Variants in HDAC8 observed in about 807,000 individuals in gnomAD.
HDAC8 encodes the protein histone deacetylase-like 1.
A neutral mutation model predicts 32.2 loss-of-function variants in HDAC8; 1 was observed. That is an observed-to-expected ratio of 0.03 (90% CI 0.01 to 0.15). The LOEUF (loss-of-function observed/expected upper bound fraction) is 0.15. HDAC8 is among the 10% of genes least tolerant of loss of function. HDAC8 has a pLI of 1.00. For missense variants in HDAC8, 117 were observed against 300.0 expected, an observed-to-expected ratio of 0.39 and a Z score of 4.51; for synonymous variants, 108 against 113.9, an observed-to-expected ratio of 0.95 and a Z score of 0.33.
At chrX:72,441,504 C>A (rs2047144968) in intron 9 of HDAC8, among the ~76,000 whole-genome samples, 1 of 112,012 alleles carries the variant, frequency 8.9e-6, no homozygotes, top group African/African-American at 3.2e-5. Flanking sequence ...AACTAACAAA[C>A]AGAAAGGACA....
chrX:72,572,154 T>G lies in HDAC8; in HGVS notation c.112-45A>C. The G allele has an allele frequency of 3.6e-6, 4 of 1,104,959 alleles. No homozygotes were observed. In the South Asian group the frequency reaches 8.4e-5, roughly 23 times the overall value. The allele number at this position is 1,104,959 out of a possible 1,213,427, so 91.1% of individuals were successfully genotyped here. On this transcript the variant is annotated intron_variant, in intron 1 of 10. Coordinates refer to ENST00000373573, the MANE Select transcript of HDAC8 (RefSeq NM_018486.3). ...AAAAAAAAAAGAAAAGCAGAAATAG[T>G]CTCTTTAAAGTTTAATTCAGCAAAA...
chrX:72,513,248 G>C (rs1361983803), intron 4 of HDAC8, among the ~76,000 whole-genome samples: 2 of 112,117 alleles, frequency 1.8e-5, no homozygotes, highest in Non-Finnish European at 3.8e-5. Flanking sequence ...TACTCTTGGA[G>C]AGCAAAGACT....
intron 9 of HDAC8, among the ~76,000 whole-genome samples, chrX:72,380,969 T>C (rs1294580409): frequency 8.9e-6 from 1 of 111,925 alleles, no homozygotes; most frequent in African/African-American, 3.2e-5. Flanking sequence ...ACTAGCCACA[T>C]TTCAAATGCT....
chrX:72,426,739 T>A (rs1471559143), intron 9 of HDAC8, among the ~76,000 whole-genome samples: 1 of 110,506 alleles, frequency 9.0e-6, no homozygotes. Flanking sequence ...GTTTTATGCA[T>A]CCCATCTACT....
At chrX:72,403,578 G>A (rs1261470964) in intron 9 of HDAC8, among the ~76,000 whole-genome samples, 1 of 112,685 alleles carries the variant, frequency 8.9e-6, no homozygotes, top group African/African-American at 3.2e-5. Flanking sequence ...TGTAATCCCA[G>A]CATTTTGGGA....
intron 10 of HDAC8, among the ~76,000 whole-genome samples, chrX:72,338,154 G>A (rs370948568): frequency 4.9e-4 from 55 of 111,537 alleles, no homozygotes; most frequent in African/African-American, 1.7e-3. Context: ...TTATTTGCTC[G>A]CTGTTGGCTT....
intron 7 of HDAC8, among the ~76,000 whole-genome samples, chrX:72,465,595 A>G (rs928167809): frequency 1.3e-4 from 14 of 111,850 alleles, no homozygotes; most frequent in African/African-American, 4.2e-4. Context: ...TACTTTCCAG[A>G]CAGAATATAT....
At chrX:72,390,015 T>C (rs2045570251) in intron 9 of HDAC8, among the ~76,000 whole-genome samples, 2 of 111,832 alleles carry the variant, frequency 1.8e-5, no homozygotes, top group Non-Finnish European at 3.8e-5. Context: ...ATTTCTTTTT[T>C]CCCTTAATTT....
At chrX:72,505,105 G>A (rs782741973) in intron 4 of HDAC8, among the ~76,000 whole-genome samples, 100 of 108,079 alleles carry the variant, frequency 9.3e-4, no homozygotes, top group African/African-American at 3.2e-3. Context: ...TTTTTTTGCT[G>A]TTGAGTTATA....
At chrX:72,345,954 A>T (rs1000355755) in intron 10 of HDAC8, among the ~76,000 whole-genome samples, 6 of 111,986 alleles carry the variant, frequency 5.4e-5, no homozygotes, top group African/African-American at 1.9e-4. Flanking sequence ...AAAGTGCTGG[A>T]TTACAAGCTC....
chrX:72,438,628 T>G (rs1311968977), intron 9 of HDAC8, among the ~76,000 whole-genome samples: 1 of 111,003 alleles, frequency 9.0e-6, no homozygotes, highest in South Asian at 3.8e-4. Context: ...AATGACCTGA[T>G]GGAGCTGAAA....
At chrX:72,525,922 C>T (rs1198959814) in intron 4 of HDAC8, among the ~76,000 whole-genome samples, 1 of 107,337 alleles carries the variant, frequency 9.3e-6, no homozygotes, top group Non-Finnish European at 1.9e-5. Context: ...GCAGCTCTGA[C>T]CATGTCACTC....
intron 9 of HDAC8, among the ~76,000 whole-genome samples, chrX:72,361,922 A>G (rs1003843494): frequency 1.5e-4 from 17 of 111,787 alleles, no homozygotes; most frequent in African/African-American, 5.5e-4. Flanking sequence ...CCTTAACACT[A>G]TGTAATACAG....
At chrX:72,368,736 C>T (rs1425083202) in intron 9 of HDAC8, among the ~76,000 whole-genome samples, 1 of 112,400 alleles carries the variant, frequency 8.9e-6, no homozygotes, top group Non-Finnish European at 1.9e-5. Context: ...GCCGTGAGTG[C>T]AGCTCTTAGG....
At chrX:72,572,843 T>TG, upstream of HDAC8, 1 of 800,177 alleles carries the variant, frequency 1.2e-6, no homozygotes, top group Non-Finnish European at 1.9e-6. Flanking sequence ...CCTGCTCCTC[T>TG]GATCGGCCGC....
chrX:72,445,748 A>G (rs1165175469), intron 9 of HDAC8, among the ~76,000 whole-genome samples: 1 of 112,019 alleles, frequency 8.9e-6, no homozygotes, highest in Non-Finnish European at 1.9e-5. Context: ...TGAACAGTCA[A>G]CCTACAAAAT....
At chrX:72,388,020 T>G (rs2045496752) in intron 9 of HDAC8, among the ~76,000 whole-genome samples, 1 of 110,434 alleles carries the variant, frequency 9.1e-6, no homozygotes, top group African/African-American at 3.3e-5. Flanking sequence ...GAGTAGGACT[T>G]CATCCAGCAG....
At chrX:72,488,893 A>T (rs782551431) in intron 7 of HDAC8, 40 bp downstream of exon 7, 1 of 827,195 alleles carries the variant, frequency 1.2e-6, no homozygotes. Flanking sequence ...ATCCTACAGA[A>T]CTGCAATCCA....
At chrX:72,382,360 T>A (rs1329743784) in intron 9 of HDAC8, among the ~76,000 whole-genome samples, 1 of 112,046 alleles carries the variant, frequency 8.9e-6, no homozygotes, top group Non-Finnish European at 1.9e-5. Flanking sequence ...GGGCCTGCCA[T>A]CCTATTAAGA....
Sources: allele counts gnomAD v4.1 joint callset (sites outside exome capture counted in the v4.1 genomes callset), GRCh38; gene constraint gnomAD v4.1.1; transcripts MANE v1.5; gene names NCBI Gene and HGNC (gene_info 2026-07-23, HGNC 2026-07-21).